The following AGBL1 variants were observed in gnomAD, a reference collection of about 807,000 sequenced individuals.
AGBL1 encodes the protein cytosolic carboxypeptidase 4.
A neutral mutation model predicts 118.9 loss-of-function variants in AGBL1; 130 were observed. The ratio of observed to expected loss-of-function variants is 1.09; its 90% CI spans 0.95 to 1.26. The LOEUF (loss-of-function observed/expected upper bound fraction) is 1.26, where lower values mean the gene tolerates loss of function less well. Ranked by LOEUF, AGBL1 falls within the 50% of genes most tolerant of loss-of-function variation. AGBL1 has a pLI of 0.00. For synonymous variants in AGBL1, 555 were observed against 478.9 expected (o/e 1.16, Z -2.08); for missense variants, 1,584 against 1,298.1 (o/e 1.22, Z -3.38).
chr15:86,094,276 C>T (rs1896215905), intron 1 of AGBL1, among the ~76,000 whole-genome samples: 1 of 152,136 alleles, frequency 6.6e-6, no homozygotes, highest in Admixed American at 6.6e-5. Context: ...TGATTTCTTA[C>T]AATGTAAATT....
intron 4 of AGBL1, among the ~76,000 whole-genome samples, chr15:86,156,255 C>G (rs1200730557): frequency 6.6e-6 from 1 of 152,112 alleles, no homozygotes; most frequent in Non-Finnish European, 1.5e-5. Context: ...ATTTGGAGCT[C>G]AGGATGTCGG....
intron 18 of AGBL1, among the ~76,000 whole-genome samples, chr15:86,461,065 G>A (rs1457042928): frequency 6.6e-6 from 1 of 152,154 alleles, no homozygotes; most frequent in East Asian, 1.9e-4. Flanking sequence ...TTCTAGGTCA[G>A]TGGATGTCAA....
intron 22 of AGBL1, among the ~76,000 whole-genome samples, chr15:86,827,450 T>C (rs1177328006): frequency 0.027 from 199 of 7,328 alleles, 3 homozygotes; most frequent in East Asian, 0.15. Context: ...TATGTGTGTG[T>C]ATATATATAT....
chr15:86,606,805 C>T (rs1325990864), intron 21 of AGBL1, among the ~76,000 whole-genome samples: 1 of 152,130 alleles, frequency 6.6e-6, no homozygotes, highest in Non-Finnish European at 1.5e-5. Flanking sequence ...ATGGATAAGC[C>T]AATATCTGTA....
intron 5 of AGBL1, among the ~76,000 whole-genome samples, chr15:86,197,566 G>T (rs1402611349): frequency 6.6e-6 from 1 of 152,170 alleles, no homozygotes; most frequent in Non-Finnish European, 1.5e-5. Context: ...TGAAGATGTG[G>T]CTATGTTCTT....
At chr15:86,102,689 A>C (rs1896808009) in intron 1 of AGBL1, among the ~76,000 whole-genome samples, 1 of 152,178 alleles carries the variant, frequency 6.6e-6, no homozygotes. Context: ...GTGACTAGAC[A>C]CTTTTCTCTT....
chr15:86,383,520 G>A (rs949957695), intron 17 of AGBL1, among the ~76,000 whole-genome samples: 22 of 152,178 alleles, frequency 1.4e-4, no homozygotes, highest in Non-Finnish European at 1.5e-5. Context: ...CTGGGAAGTA[G>A]AGGTTGCAGT....
chr15:86,660,795 C>G (rs1411162922), intron 21 of AGBL1, among the ~76,000 whole-genome samples: 1 of 152,034 alleles, frequency 6.6e-6, no homozygotes, highest in African/African-American at 2.4e-5. Context: ...TCTAGCCATG[C>G]GTAAATCTGC....
At chr15:86,396,217 G>T (rs767147023) in intron 17 of AGBL1, among the ~76,000 whole-genome samples, 1 of 129,608 alleles carries the variant, frequency 7.7e-6, no homozygotes, top group African/African-American at 3.2e-5. Flanking sequence ...ACGTGTGTGT[G>T]TATATATATG....
intron 23 of AGBL1, among the ~76,000 whole-genome samples, chr15:86,946,582 T>A (rs2080824339): frequency 2.0e-5 from 3 of 152,014 alleles, no homozygotes; most frequent in African/African-American, 4.8e-5. Context: ...GCGCAGGGGC[T>A]CAAGCCTGTA....
intron 5 of AGBL1, among the ~76,000 whole-genome samples, chr15:86,214,344 TG>T (rs940579049): frequency 2.0e-5 from 3 of 152,232 alleles, no homozygotes; most frequent in African/African-American, 7.2e-5. Context: ...ACTAAGTGTG[TG>T]GTATAGTGAA....
intron 22 of AGBL1, among the ~76,000 whole-genome samples, chr15:86,905,416 A>AATT (rs1360858022): frequency 3.3e-5 from 5 of 152,198 alleles, no homozygotes; most frequent in African/African-American, 1.2e-4. Context: ...TGTTTAGAGA[A>AATT]ATTATTAGGA....
chr15:86,724,555 A>G (rs1204966355), intron 22 of AGBL1, among the ~76,000 whole-genome samples: 1 of 152,176 alleles, frequency 6.6e-6, no homozygotes, highest in Non-Finnish European at 1.5e-5. Flanking sequence ...TAAGGGAGAA[A>G]GAATAGTGAC....
chr15:86,301,799 G>A (rs780447792), intron 17 of AGBL1, among the ~76,000 whole-genome samples: 1 of 151,780 alleles, frequency 6.6e-6, no homozygotes, highest in Non-Finnish European at 1.5e-5. Context: ...AAATCAAAGG[G>A]GGAGTTTTAC....
Position 86,646,041 on chromosome 15 carries a change from C to T in AGBL1, c.2995-28232C>T, listed in dbSNP as rs1424631620. ...CTCCTCTGAATGTGTAATATCCCTG[C>T]TCTCTTTCCCAGCCAGGTTGGGAGT... On this transcript the variant is annotated intron_variant, in intron 21 of 22. Coordinates refer to ENST00000614907, the MANE Select transcript of AGBL1 (RefSeq NM_001386094.1). Among the ~76,000 whole-genome samples, 4 of 152,344 alleles carry T rather than the reference C, an allele frequency of 2.6e-5. No individual in the cohort carries two copies. The East Asian group carries it at 5.8e-4, about 22-fold the overall frequency.
chr15:86,097,721 A>C lies in AGBL1; in HGVS notation c.51+17698A>C, dbSNP rs185782051. The stretch of plus-strand genomic sequence containing the variant: ...TATATATGCCACATTTTCTTTATCC[A>C]TTCATTCCCTGATGGACATTCAAGT... On this transcript the variant is annotated intron_variant, in intron 1 of 22. Coordinates refer to ENST00000614907, the MANE Select transcript of AGBL1 (RefSeq NM_001386094.1). Among the ~76,000 whole-genome samples, 107 of 152,096 alleles carry C rather than the reference A, an allele frequency of 7.0e-4. 1 individual carries two copies. The highest frequency in any genetic ancestry group is 2.3e-3 in the African/African-American group (96 of 41,514).
At chr15:86,362,659 G>C (rs2080822646) in intron 17 of AGBL1, among the ~76,000 whole-genome samples, 1 of 152,172 alleles carries the variant, frequency 6.6e-6, no homozygotes, top group Admixed American at 6.5e-5. Flanking sequence ...TGAGACTGAG[G>C]TGGGAGGGCC....
chr15:86,139,627 C>T (rs1484680968), intron 1 of AGBL1, among the ~76,000 whole-genome samples: 3 of 152,254 alleles, frequency 2.0e-5, no homozygotes, highest in East Asian at 1.9e-4. Flanking sequence ...GGGTAAGTGT[C>T]TAGGGATCCC....
Position 86,911,870 on chromosome 15 carries a change from T to C in AGBL1, c.*4576T>C, listed in dbSNP as rs2080356563. 6.6e-6 allele frequency: 1 copy of C among 152,162 alleles called. No individual in the cohort carries two copies. The highest frequency in any genetic ancestry group is 1.5e-5 in the Non-Finnish European group (1 of 68,042). The allele number at this position is 152,162 out of a possible 1,614,324, so 9.4% of individuals were successfully genotyped here. ...CTGTTGCACTGTTTATATATCTCTTTTATACTATGCTTATTTTTAACTTGA... is the reference window on the plus strand; with the variant it reads ...CTGTTGCACTGTTTATATATCTCTTCTATACTATGCTTATTTTTAACTTGA... On this transcript the variant is annotated 3_prime_UTR_variant, in exon 23 of 23. Transcript: ENST00000614907.
Sources: gnomAD v4.1 joint callset for allele counts (sites outside exome capture counted in the v4.1 genomes callset) on GRCh38, gnomAD v4.1.1 for gene constraint, MANE v1.5 for transcripts, NCBI Gene and HGNC (gene_info 2026-07-23, HGNC 2026-07-21) for gene names.